The following OCIAD1 variants were observed in gnomAD, a reference collection of about 807,000 sequenced individuals.
OCIAD1 encodes the protein OCIA domain-containing protein 1.
A neutral mutation model predicts 38.9 loss-of-function variants in OCIAD1; 29 were observed. The observed-to-expected ratio is 0.74, with a 90% CI of 0.55 to 1.02. The LOEUF is 1.02. OCIAD1 is among the 50% of genes least tolerant of loss of function. The pLI is 0.00. For synonymous variants in OCIAD1, 110 were observed against 92.0 expected, an observed-to-expected ratio of 1.20 and a Z score of -1.12; for missense variants, 288 against 289.6, an observed-to-expected ratio of 0.99 and a Z score of 0.04.
chr4:48,840,618 A>G (rs1161833236), intron 3 of OCIAD1, among the ~76,000 whole-genome samples: 2 of 152,202 alleles, frequency 1.3e-5, no homozygotes, highest in Non-Finnish European at 2.9e-5. Flanking sequence ...TTGTCCATAT[A>G]TGGTTTAGAC....
chr4:48,858,165 G>A (rs1428237800), intron 8 of OCIAD1, among the ~76,000 whole-genome samples: 2 of 151,242 alleles, frequency 1.3e-5, no homozygotes, highest in East Asian at 1.9e-4. Context: ...CCCTCCCCCC[G>A]CCAAAAAAAG....
chr4:48,842,205 A>T lies in OCIAD1; in HGVS notation c.140-431A>T, dbSNP rs111456022. ...AAAAGTATAATAAATGAGATAATGCACATAAGGCGCTTAGCATGATGCACA... is the reference window on the plus strand; with the variant it reads ...AAAAGTATAATAAATGAGATAATGCTCATAAGGCGCTTAGCATGATGCACA... On this transcript the variant is annotated intron_variant, in intron 3 of 8. Transcript: ENST00000264312. Among the ~76,000 whole-genome samples the T allele has an allele frequency of 2.3e-3, 356 of 152,362 alleles. 1 individual carries two copies. Among genetic ancestry groups the T allele is most frequent in the African/African-American group, 8.2e-3 (343 of 41,584 alleles).
In OCIAD1 at chr4:48,860,959, C is replaced by T. The variant is rs1780553198; in HGVS notation, c.*197C>T. 3.6e-6 allele frequency: 2 copies of T among 558,826 alleles called. No individual in the cohort carries two copies. The highest frequency in any genetic ancestry group is 1.9e-5 in the African/African-American group (1 of 51,482). 34.6% of individuals were successfully genotyped at this position (558,826 alleles called of 1,614,324 possible). ...TGTTAATATTGTGTAAATGTACTCA[C>T]CTTAGGGATTCATTTGAATGATGGT... On this transcript the variant is annotated 3_prime_UTR_variant, in exon 9 of 9. Coordinates refer to ENST00000264312, the MANE Select transcript of OCIAD1 (RefSeq NM_017830.4).
intron 7 of OCIAD1, among the ~76,000 whole-genome samples, chr4:48,852,886 T>G (rs1267698203): frequency 2.7e-5 from 4 of 146,178 alleles, no homozygotes; most frequent in Admixed American, 6.8e-5. Context: ...TTTTTTGTTT[T>G]TTTTTTTTTT....
At chr4:48,815,033 G>T (rs1366887598) in intron 1 of OCIAD1, among the ~76,000 whole-genome samples, 3 of 152,236 alleles carry the variant, frequency 2.0e-5, no homozygotes, top group Non-Finnish European at 4.4e-5. Context: ...TCTAGAAGAG[G>T]CTGGGTGCAG....
At chr4:48,852,882 G>GTTTTTTGTTTTTGTTTTTTTTTTTTTT (rs1553901200) in intron 7 of OCIAD1, among the ~76,000 whole-genome samples, 2 of 126,304 alleles carry the variant, frequency 1.6e-5, no homozygotes, top group Non-Finnish European at 3.3e-5. Context: ...TTTGTTTTTT[G>GTTTTTTGTTTTTGTTTTTTTTTTTTTT]TTTTTTTTTT....
intron 3 of OCIAD1, 36 bp downstream of exon 3, chr4:48,833,517 A>G (rs573154258): frequency 4.4e-5 from 58 of 1,312,532 alleles, no homozygotes; most frequent in Non-Finnish European, 6.0e-5. Context: ...AATTTGATCC[A>G]AAATTTGTAC....
chr4:48,808,063 A>T (rs1208261009), intron 1 of OCIAD1, among the ~76,000 whole-genome samples: 1 of 152,258 alleles, frequency 6.6e-6, no homozygotes, highest in Non-Finnish European at 1.5e-5. Context: ...TAGAGCTAGT[A>T]ACTCCAGACA....
chr4:48,839,534 G>A (rs1418487627), intron 3 of OCIAD1, among the ~76,000 whole-genome samples: 8 of 151,980 alleles, frequency 5.3e-5, no homozygotes, highest in Non-Finnish European at 2.9e-5. Flanking sequence ...ACAAGTTCCT[G>A]AGGTCTGTGC....
intron 8 of OCIAD1, among the ~76,000 whole-genome samples, chr4:48,857,970 A>G (rs1780231398): frequency 6.6e-6 from 1 of 152,096 alleles, no homozygotes; most frequent in East Asian, 1.9e-4. Flanking sequence ...CATGGCCAAC[A>G]TGGCGATACC....
chr4:48,859,946 G>A (rs1780452462), intron 8 of OCIAD1, among the ~76,000 whole-genome samples: 1 of 152,134 alleles, frequency 6.6e-6, no homozygotes, highest in South Asian at 2.1e-4. Context: ...AGGGGAAAAG[G>A]CAAAATGTGA....
Position 48,832,653 on chromosome 4 carries a change from C to G in OCIAD1, c.29C>G (p.Pro10Arg), listed in dbSNP as rs757261722. Residue 10 changes from proline to arginine, a missense_variant, in exon 2 of 9, where the codon CCG (proline) becomes CGG (arginine). Coordinates refer to ENST00000264312, the MANE Select transcript of OCIAD1 (RefSeq NM_017830.4). MNGRADFRE[P>R]NAEVPRPIPH... is the part of the protein sequence containing the mutation. ...AATGGGAGGGCTGATTTTCGAGAGC[C>G]GAATGCAGAGGTTCCAAGACCAATT... is the stretch of plus-strand genomic sequence containing the variant. 6.2e-7 allele frequency: 1 copy of G among 1,612,940 alleles called. No homozygotes were observed. Among genetic ancestry groups the G allele is most frequent in the African/African-American group, 1.3e-5 (1 of 74,860 alleles).
At chr4:48,850,813 G>A (rs1365844430) in intron 6 of OCIAD1, among the ~76,000 whole-genome samples, 1 of 152,180 alleles carries the variant, frequency 6.6e-6, no homozygotes, top group Non-Finnish European at 1.5e-5. Context: ...GAGCTCAAGT[G>A]ATCTGCCCCA....
intron 5 of OCIAD1, among the ~76,000 whole-genome samples, chr4:48,849,103 C>T (rs1288869180): frequency 2.0e-5 from 3 of 151,980 alleles, no homozygotes; most frequent in African/African-American, 2.4e-5. Context: ...AATGAGAACA[C>T]GTGGACACAG....
At chr4:48,848,919 G>A (rs757804803) in intron 5 of OCIAD1, among the ~76,000 whole-genome samples, 4 of 151,828 alleles carry the variant, frequency 2.6e-5, no homozygotes, top group Non-Finnish European at 5.9e-5. Flanking sequence ...TGATAGACTG[G>A]ATTAAGAAAA....
intron 1 of OCIAD1, among the ~76,000 whole-genome samples, chr4:48,816,685 C>T (rs1050915002): frequency 2.6e-5 from 4 of 151,982 alleles, no homozygotes; most frequent in African/African-American, 9.7e-5. Context: ...AAATTTGAAA[C>T]GGTGGCAGGG....
At chr4:48,827,122 C>T (rs1473493336), upstream of OCIAD1, among the ~76,000 whole-genome samples, 1 of 152,094 alleles carries the variant, frequency 6.6e-6, no homozygotes, top group Non-Finnish European at 1.5e-5. Context: ...TAGAAATATG[C>T]TGAATAATAA....
intron 4 of OCIAD1, among the ~76,000 whole-genome samples, chr4:48,845,399 C>T (rs1389832109): frequency 1.3e-5 from 2 of 152,180 alleles, no homozygotes; most frequent in Admixed American, 1.3e-4. Flanking sequence ...ACCAACGTTA[C>T]ATAACTTTAA....
intron 3 of OCIAD1, among the ~76,000 whole-genome samples, chr4:48,836,553 A>G (rs1778008584): frequency 6.6e-6 from 1 of 152,250 alleles, no homozygotes; most frequent in African/African-American, 2.4e-5. Flanking sequence ...ATTCGCCAAT[A>G]AATTAAGTGT....
Sources: allele counts gnomAD v4.1 joint callset (sites outside exome capture counted in the v4.1 genomes callset), GRCh38; gene constraint gnomAD v4.1.1; transcripts MANE v1.5; gene names NCBI Gene and HGNC (gene_info 2026-07-23, HGNC 2026-07-21).